The following ROBO1 variants were observed in gnomAD, a reference collection of about 807,000 sequenced individuals.
The protein encoded by ROBO1 is roundabout homolog 1.
ROBO1 carries 149 observed loss-of-function variants against 195.9 expected under a neutral mutation model. That is an observed-to-expected ratio of 0.76 (90% confidence interval 0.67 to 0.87). ROBO1 has a LOEUF of 0.87. Among genes scored for constraint, ROBO1 ranks in the 40% least tolerant of loss-of-function variants. ROBO1 has a pLI of 0.00. For missense variants in ROBO1, 1,933 were observed against 2,068.3 expected, an observed-to-expected ratio of 0.93 and a Z score of 1.27; for synonymous variants, 816 against 733.2, an observed-to-expected ratio of 1.11 and a Z score of -1.82.
chr3:79,220,871 C>T (rs549462667), intron 2 of ROBO1, among the ~76,000 whole-genome samples: 6 of 152,058 alleles, frequency 3.9e-5, no homozygotes, highest in Admixed American at 3.3e-4. Context: ...ACATTTTGGG[C>T]TGGATAATTC....
intron 2 of ROBO1, among the ~76,000 whole-genome samples, chr3:79,562,850 A>G (rs928834413): frequency 2.0e-5 from 3 of 152,036 alleles, no homozygotes; most frequent in Non-Finnish European, 1.5e-5. Context: ...ACCTCCGGTA[A>G]ATTCTGCCCT....
rs756823714 is a variant in ROBO1, at chr3:78,614,658, G to T, written c.4425C>A (p.Thr1475=). The T allele has an allele frequency of 7.4e-6, 12 of 1,613,750 alleles. No individual in the cohort carries two copies. The East Asian group carries it at 2.7e-4, about 36-fold the overall frequency. The change falls in exon 28 of 31, where the codon ACC becomes ACA. Residue 1475 remains threonine (T), a synonymous_variant. Transcript: ENST00000464233. Reference sequence around the variant, plus strand: ...TGTCAATGGACTCACCATCTGTGTAGGTTTCTCTGCGCAGATGTCCTGGCT... The same window carrying T: ...TGTCAATGGACTCACCATCTGTGTATGTTTCTCTGCGCAGATGTCCTGGCT... The part of the protein sequence containing the change: ...KHQPGHLRRE[T]YTDDLPPPPV...
At chr3:79,717,299 C>G (rs568466715) in intron 1 of ROBO1, among the ~76,000 whole-genome samples, 2 of 151,954 alleles carry the variant, frequency 1.3e-5, no homozygotes, top group African/African-American at 4.8e-5. Flanking sequence ...GATAGCATCT[C>G]TGAATCTACT....
chr3:79,271,708 G>T (rs1415147809), intron 2 of ROBO1, among the ~76,000 whole-genome samples: 1 of 151,620 alleles, frequency 6.6e-6, no homozygotes, highest in Non-Finnish European at 1.5e-5. Context: ...ATATATATAT[G>T]CATATGCTTA....
At chr3:79,184,326 T>C (rs150024068) in intron 2 of ROBO1, among the ~76,000 whole-genome samples, 143 of 152,322 alleles carry the variant, frequency 9.4e-4, no homozygotes, top group East Asian at 5.2e-3. Flanking sequence ...ACTTGAAATG[T>C]AGGTCTTTCC....
rs1466570704 is a variant in ROBO1, at chr3:79,411,975, C to T, written c.88+177849G>A. ...GCTTTCGTTCTGTCCGAGACACCCACAGGAGAAGTTATCTCAGCCATCGAG... is the reference window on the plus strand; with the variant it reads ...GCTTTCGTTCTGTCCGAGACACCCATAGGAGAAGTTATCTCAGCCATCGAG... On this transcript the variant is annotated intron_variant, in intron 2 of 30. Coordinates refer to ENST00000464233, the MANE Select transcript of ROBO1 (RefSeq NM_002941.4). Among the ~76,000 whole-genome samples, 2 of 152,060 alleles carry T rather than the reference C, an allele frequency of 1.3e-5. 1 individual carries two copies. The highest frequency in any genetic ancestry group is 4.8e-5 in the African/African-American group (2 of 41,422).
intron 3 of ROBO1, among the ~76,000 whole-genome samples, chr3:79,060,498 T>C (rs2078896855): frequency 6.6e-6 from 1 of 152,008 alleles, no homozygotes; most frequent in African/African-American, 2.4e-5. Context: ...GTAAAATTTC[T>C]CTTTTTTGTG....
chr3:79,760,236 CAAAAA>C (rs11451206), intron 1 of ROBO1, among the ~76,000 whole-genome samples: 19 of 4,494 alleles, frequency 4.2e-3, no homozygotes, highest in African/African-American at 0.013. Context: ...GACCCTATCT[CAAAAA>C]AAAAAAAAAA....
chr3:78,851,459 A>G (rs774044060), intron 4 of ROBO1, among the ~76,000 whole-genome samples: 4 of 152,220 alleles, frequency 2.6e-5, no homozygotes, highest in Non-Finnish European at 4.4e-5. Flanking sequence ...CTAACTAACC[A>G]GGTCCCACTT....
chr3:78,909,145 C>T (rs2038096372), intron 4 of ROBO1, among the ~76,000 whole-genome samples: 1 of 151,696 alleles, frequency 6.6e-6, no homozygotes, highest in Admixed American at 6.6e-5. Flanking sequence ...TAATGTTTAG[C>T]ATGAGTATTT....
chr3:78,656,739 A>G (rs1267168871), intron 18 of ROBO1, among the ~76,000 whole-genome samples: 1 of 152,162 alleles, frequency 6.6e-6, no homozygotes, highest in East Asian at 1.9e-4. Context: ...TTGGTGCTCA[A>G]TTAATAGCAT....
intron 1 of ROBO1, among the ~76,000 whole-genome samples, chr3:79,736,466 G>A (rs974185366): frequency 6.6e-5 from 10 of 152,156 alleles, no homozygotes; most frequent in African/African-American, 2.4e-4. Context: ...ATTGACTATG[G>A]TGGGGAGGAA....
intron 2 of ROBO1, among the ~76,000 whole-genome samples, chr3:79,274,706 C>G (rs1344265072): frequency 6.6e-6 from 1 of 151,648 alleles, no homozygotes; most frequent in Non-Finnish European, 1.5e-5. Flanking sequence ...AAAGTTGTTT[C>G]TATGAAAGAT....
chr3:78,755,542 A>T (rs1283055304), intron 4 of ROBO1, among the ~76,000 whole-genome samples: 1 of 152,202 alleles, frequency 6.6e-6, no homozygotes, highest in Admixed American at 6.5e-5. Flanking sequence ...ATTACAGGTA[A>T]AATGGTGATG....
At chr3:79,717,999 A>G (rs1403624138) in intron 1 of ROBO1, among the ~76,000 whole-genome samples, 6 of 152,058 alleles carry the variant, frequency 3.9e-5, no homozygotes, top group Non-Finnish European at 8.8e-5. Flanking sequence ...CATCAGAAAG[A>G]GGCAAAGGAA....
intron 2 of ROBO1, among the ~76,000 whole-genome samples, chr3:79,566,572 G>C (rs531531072): frequency 3.3e-5 from 5 of 152,222 alleles, no homozygotes; most frequent in Middle Eastern, 6.8e-3. Flanking sequence ...CAAAACCAGA[G>C]AGGGGGGATC....
At chr3:79,103,833 G>A (rs891485518) in intron 3 of ROBO1, among the ~76,000 whole-genome samples, 1 of 151,650 alleles carries the variant, frequency 6.6e-6, no homozygotes, top group Non-Finnish European at 1.5e-5. Flanking sequence ...TATCATCAAA[G>A]AAAATTATTT....
chr3:78,660,279 G>A (rs1707313715), intron 16 of ROBO1: 1 of 153,510 alleles, frequency 6.5e-6, no homozygotes, highest in African/African-American at 2.4e-5. Flanking sequence ...TACCTAAGTT[G>A]TTCCTCACTC....
At chr3:79,308,511 T>C (rs1375949372) in intron 2 of ROBO1, among the ~76,000 whole-genome samples, 2 of 152,154 alleles carry the variant, frequency 1.3e-5, no homozygotes, top group African/African-American at 4.8e-5. Context: ...ATGATGTGCT[T>C]AGTACTATGC....
Sources: allele counts gnomAD v4.1 joint callset (sites outside exome capture counted in the v4.1 genomes callset), GRCh38; gene constraint gnomAD v4.1.1; transcripts MANE v1.5; gene names NCBI Gene and HGNC (gene_info 2026-07-23, HGNC 2026-07-21).